SEMA3E: variants seen among roughly 807,000 people sequenced by gnomAD.
SEMA3E encodes semaphorin 3E.
SEMA3E carries 49 observed loss-of-function variants against 93.6 expected under a neutral mutation model. The ratio of observed to expected loss-of-function variants is 0.52; its 90% CI spans 0.42 to 0.66. The LOEUF (loss-of-function observed/expected upper bound fraction) is 0.66, where lower values mean the gene tolerates loss of function less well. SEMA3E is among the 30% of genes least tolerant of loss of function. SEMA3E has a pLI of 0.00. For missense variants in SEMA3E, 906 were observed against 964.8 expected (o/e 0.94, Z 0.81); for synonymous variants, 363 against 330.7 (o/e 1.10, Z -1.06).
chr7:83,530,161 A>G (rs1289138481), intron 1 of SEMA3E, among the ~76,000 whole-genome samples: 4 of 152,138 alleles, frequency 2.6e-5, no homozygotes, highest in African/African-American at 7.2e-5. Context: ...ATTGTTTACT[A>G]TAAGGTTCCT....
chr7:83,371,022 G>C (rs889821963), intron 16 of SEMA3E, among the ~76,000 whole-genome samples: 1 of 151,172 alleles, frequency 6.6e-6, no homozygotes, highest in Non-Finnish European at 1.5e-5. Flanking sequence ...TCAAACTAGC[G>C]TTGGTGGAAG....
intron 1 of SEMA3E, among the ~76,000 whole-genome samples, chr7:83,570,059 C>G (rs1462978021): frequency 6.6e-6 from 1 of 152,024 alleles, no homozygotes. Context: ...GAAAACAATA[C>G]AAAAAGATTT....
At chr7:83,442,047 G>A (rs1789125227) in intron 4 of SEMA3E, among the ~76,000 whole-genome samples, 1 of 151,986 alleles carries the variant, frequency 6.6e-6, no homozygotes, top group African/African-American at 2.4e-5. Context: ...TACATATTAT[G>A]GAGAAAAAAT....
chr7:83,429,058 T>C (rs1317171633), intron 4 of SEMA3E, among the ~76,000 whole-genome samples: 2 of 152,144 alleles, frequency 1.3e-5, no homozygotes, highest in African/African-American at 4.8e-5. Flanking sequence ...ATAAGGTACT[T>C]AATGCATAAT....
chr7:83,527,466 G>T (rs1393470445), intron 1 of SEMA3E, among the ~76,000 whole-genome samples: 1 of 152,066 alleles, frequency 6.6e-6, no homozygotes, highest in Non-Finnish European at 1.5e-5. Flanking sequence ...ATTAAACCCT[G>T]CTCCTATGGA....
intron 5 of SEMA3E, among the ~76,000 whole-genome samples, chr7:83,408,996 G>A (rs951691835): frequency 6.6e-6 from 1 of 152,092 alleles, no homozygotes; most frequent in Non-Finnish European, 1.5e-5. Context: ...GAACAACAAA[G>A]TCTAACAAAG....
rs986766004 is a variant in SEMA3E, at chr7:83,505,752, A to T, written c.116-15478T>A. Among the ~76,000 whole-genome samples the T allele has an allele frequency of 3.3e-5, 5 of 152,108 alleles. No homozygotes were observed. In the East Asian group the frequency reaches 9.7e-4, roughly 29 times the overall value. On this transcript the variant is annotated intron_variant, in intron 1 of 16. Transcript: ENST00000643230. ...TATTTGTGGCCGGGCACAGTGGCTCATGCCTGTAATCCCAGCACTTTGGGA... is the reference window on the plus strand; with the variant it reads ...TATTTGTGGCCGGGCACAGTGGCTCTTGCCTGTAATCCCAGCACTTTGGGA...
intron 1 of SEMA3E, among the ~76,000 whole-genome samples, chr7:83,540,014 G>A (rs1465849541): frequency 6.6e-6 from 1 of 151,976 alleles, no homozygotes; most frequent in Non-Finnish European, 1.5e-5. Context: ...CCAAGTAGCT[G>A]GGACTACAGG....
chr7:83,536,371 T>A (rs1264766732), intron 1 of SEMA3E, among the ~76,000 whole-genome samples: 1 of 152,108 alleles, frequency 6.6e-6, no homozygotes, highest in Non-Finnish European at 1.5e-5. Flanking sequence ...AGGCTTTGAA[T>A]AATAACAATT....
intron 4 of SEMA3E, among the ~76,000 whole-genome samples, chr7:83,450,660 C>G (rs567163773): frequency 7.9e-5 from 12 of 151,918 alleles, no homozygotes; most frequent in African/African-American, 1.7e-4. Context: ...GATCTAGATG[C>G]TGCTTAAATT....
chr7:83,634,405 A>G (rs1472876621), intron 1 of SEMA3E, among the ~76,000 whole-genome samples: 2 of 152,108 alleles, frequency 1.3e-5, no homozygotes, highest in Non-Finnish European at 2.9e-5. Context: ...CAGATAGGAA[A>G]AATCCTTCTG....
chr7:83,451,075 C>T (rs1789349897), intron 4 of SEMA3E, among the ~76,000 whole-genome samples: 1 of 152,124 alleles, frequency 6.6e-6, no homozygotes, highest in Non-Finnish European at 1.5e-5. Flanking sequence ...GATCTGATGA[C>T]ATCATAAGGG....
At chr7:83,420,137 C>T (rs894758571) in intron 4 of SEMA3E, among the ~76,000 whole-genome samples, 2 of 152,132 alleles carry the variant, frequency 1.3e-5, no homozygotes, top group South Asian at 4.1e-4. Context: ...AATTTCTATA[C>T]ACATATAGCA....
chr7:83,466,417 T>G, intron 4 of SEMA3E, 65 bp downstream of exon 4: 2 of 1,584,832 alleles, frequency 1.3e-6, no homozygotes, highest in Non-Finnish European at 1.7e-6. Flanking sequence ...TGCTGTAGTC[T>G]TTCTTTGAGA....
chr7:83,519,307 T>G (rs1276099834), intron 1 of SEMA3E, among the ~76,000 whole-genome samples: 1 of 152,138 alleles, frequency 6.6e-6, no homozygotes, highest in East Asian at 1.9e-4. Flanking sequence ...GAACTTGTCT[T>G]GGAAATACCA....
chr7:83,470,034 C>T (rs968194534), intron 2 of SEMA3E, among the ~76,000 whole-genome samples: 5 of 152,160 alleles, frequency 3.3e-5, no homozygotes, highest in African/African-American at 1.2e-4. Flanking sequence ...GATCTGCCTG[C>T]CTCGGCCTCC....
At chr7:83,423,733 G>GATCTCCTGACCTCGTGATCCCC (rs1788716455) in intron 4 of SEMA3E, among the ~76,000 whole-genome samples, 1 of 150,194 alleles carries the variant, frequency 6.7e-6, no homozygotes, top group Non-Finnish European at 1.5e-5. Context: ...GGATGGTCCC[G>GATCTCCTGACCTCGTGATCCCC]ATCTCCTGAC....
chr7:83,618,276 C>T (rs1005274250), intron 1 of SEMA3E, among the ~76,000 whole-genome samples: 3 of 152,060 alleles, frequency 2.0e-5, no homozygotes, highest in Non-Finnish European at 4.4e-5. Context: ...CAAAATCACA[C>T]GGTCTGAAAA....
At chr7:83,440,707 G>A (rs1406716954) in intron 4 of SEMA3E, among the ~76,000 whole-genome samples, 2 of 151,600 alleles carry the variant, frequency 1.3e-5, no homozygotes, top group Non-Finnish European at 2.9e-5. Context: ...CAGCTACTCA[G>A]GAGGCTGAGG....
Sources: allele counts gnomAD v4.1 joint callset (sites outside exome capture counted in the v4.1 genomes callset), GRCh38; gene constraint gnomAD v4.1.1; transcripts MANE v1.5; gene names NCBI Gene and HGNC (gene_info 2026-07-23, HGNC 2026-07-21).